The following BANP variants were observed in gnomAD, a reference collection of about 807,000 sequenced individuals.
BANP encodes protein BANP.
A neutral mutation model predicts 68.1 loss-of-function variants in BANP; 11 were observed. That is an observed-to-expected ratio of 0.16 (90% CI 0.10 to 0.27). The LOEUF (loss-of-function observed/expected upper bound fraction) is 0.27. Ranked by LOEUF, BANP falls within the 10% of genes least tolerant of loss-of-function variation. BANP has a pLI of 1.00. For synonymous variants in BANP, 329 were observed against 303.2 expected, an observed-to-expected ratio of 1.09 and a Z score of -0.88; for missense variants, 504 against 722.7, an observed-to-expected ratio of 0.70 and a Z score of 3.47.
chr16:88,041,936 G>GGAGACGCAGTAGGAGGGTGA (rs944551197), intron 11 of BANP, among the ~76,000 whole-genome samples: 9 of 152,240 alleles, frequency 5.9e-5, no homozygotes, highest in South Asian at 2.1e-4. Flanking sequence ...TAGGAGGGTG[G>GGAGACGCAGTAGGAGGGTGA]GAGACGCAGT....
intron 11 of BANP, among the ~76,000 whole-genome samples, chr16:88,038,475 C>T (rs1229799071): frequency 1.3e-5 from 2 of 151,132 alleles, no homozygotes; most frequent in Non-Finnish European, 3.0e-5. Flanking sequence ...CCCACCCCCG[C>T]CACCCCACCC....
At chr16:88,019,494 A>G (rs868817504) in intron 7 of BANP, among the ~76,000 whole-genome samples, 1 of 143,858 alleles carries the variant, frequency 7.0e-6, no homozygotes, top group African/African-American at 2.5e-5. Context: ...ATCTCGAAAC[A>G]GGGCGAGCGA....
rs553751992 is a variant in BANP, at chr16:88,018,705, G to C, written c.895+38G>C. The C allele has an allele frequency of 3.2e-6, 5 of 1,539,046 alleles. No homozygotes were observed. The Admixed American group carries it at 9.8e-5, about 30-fold the overall frequency. The stretch of plus-strand genomic sequence containing the variant: ...CCGCCTTGGGGGACTGGGGTGTGCG[G>C]GGAGCTGGGTCAGGACCCACATTTC... On this transcript the variant is annotated intron_variant, in intron 7 of 13. Coordinates refer to ENST00000682872, the MANE Select transcript of BANP (RefSeq NM_001386991.1). The surrounding 1 kb of genome is among the most constrained non-coding windows in gnomAD (Gnocchi z 7.7).
chr16:88,050,019 T>C (rs2082886663), intron 11 of BANP, among the ~76,000 whole-genome samples: 1 of 152,218 alleles, frequency 6.6e-6, no homozygotes, highest in African/African-American at 2.4e-5. Flanking sequence ...AGCTGGTGTG[T>C]GGGCGTGGCC....
At chr16:87,961,414 C>A (rs7204213) in intron 1 of BANP, among the ~76,000 whole-genome samples, 1 of 142,380 alleles carries the variant, frequency 7.0e-6, no homozygotes, top group African/African-American at 2.5e-5. Context: ...TCTGCACCCC[C>A]CCGGGCCTCC....
At chr16:88,063,084 C>A (rs6540161) in intron 11 of BANP, among the ~76,000 whole-genome samples, 150,923 of 152,364 alleles carry the variant, frequency 0.99, 74,759 homozygotes, top group East Asian at 1. Context: ...GAGGCTGCGC[C>A]GTGCATGGAG....
intron 1 of BANP, among the ~76,000 whole-genome samples, chr16:87,968,355 G>A (rs1489952660): frequency 6.6e-6 from 1 of 151,954 alleles, no homozygotes; most frequent in African/African-American, 2.4e-5. Flanking sequence ...ATGGTGGTGT[G>A]CACCTGTAGT....
intron 11 of BANP, among the ~76,000 whole-genome samples, chr16:88,040,894 A>G (rs188021489): frequency 6.6e-6 from 1 of 152,372 alleles, no homozygotes; most frequent in East Asian, 1.9e-4. Flanking sequence ...GGATTGGCTT[A>G]GTATTCCCTT....
chr16:88,058,999 C>T (rs1000762394), intron 11 of BANP, among the ~76,000 whole-genome samples: 29 of 151,960 alleles, frequency 1.9e-4, no homozygotes, highest in African/African-American at 6.8e-4. Context: ...CAGTGGTGTC[C>T]CTCACGCCCA....
Position 88,076,575 on chromosome 16 carries a change from T to G in BANP, c.1522-15T>G, listed in dbSNP as rs996113488. Reference sequence around the variant, plus strand: ...GGTATTTTTCTAGAAAGTCCCTCCTTTCTCCCTTTTGCAGACGGCCGAAGC... The same window carrying G: ...GGTATTTTTCTAGAAAGTCCCTCCTGTCTCCCTTTTGCAGACGGCCGAAGC... On this transcript the variant is annotated splice_polypyrimidine_tract_variant and intron_variant, in intron 13 of 13. Coordinates refer to ENST00000682872, the MANE Select transcript of BANP (RefSeq NM_001386991.1). 6.2e-7 allele frequency: 1 copy of G among 1,611,908 alleles called. No homozygotes were observed. Among genetic ancestry groups the G allele is most frequent in the African/African-American group, 1.3e-5 (1 of 75,006 alleles).
At chr16:87,985,059 G>A (rs2064061217) in intron 4 of BANP, among the ~76,000 whole-genome samples, 1 of 152,204 alleles carries the variant, frequency 6.6e-6, no homozygotes, top group East Asian at 1.9e-4. Context: ...ACATGTGGAC[G>A]CCGAGGAATG....
Position 88,076,690 on chromosome 16 carries a change from G to A in BANP, c.*29G>A, listed in dbSNP as rs771515196. 8 of 1,586,532 alleles carry A rather than the reference G, an allele frequency of 5.0e-6. No homozygotes were observed. The Admixed American group carries it at 5.1e-5, about 10-fold the overall frequency. ...GTGCCCATGGCACCAGGAGCCCCTC[G>A]CCGGCTCCGCCTACGGCCCGGCCCC... On this transcript the variant is annotated 3_prime_UTR_variant, in exon 14 of 14. Transcript: ENST00000682872.
chr16:88,022,522 G>A (rs1419228086), intron 7 of BANP, among the ~76,000 whole-genome samples: 1 of 152,228 alleles, frequency 6.6e-6, no homozygotes, highest in African/African-American at 2.4e-5. Flanking sequence ...GTACCTAGTG[G>A]GAAGCAGCGG....
intron 10 of BANP, 33 bp downstream of exon 10, chr16:88,035,427 C>T (rs1432506325): frequency 6.4e-7 from 1 of 1,563,638 alleles, no homozygotes; most frequent in Non-Finnish European, 8.7e-7. Context: ...ACTGTCCCTG[C>T]AGGCACCGTG....
chr16:87,986,201 G>A (rs536982673), intron 4 of BANP, among the ~76,000 whole-genome samples: 4 of 152,320 alleles, frequency 2.6e-5, no homozygotes, highest in African/African-American at 9.6e-5. Context: ...TTAAACACAA[G>A]GATGAACGAA....
intron 1 of BANP, among the ~76,000 whole-genome samples, chr16:87,954,295 A>G (rs538546085): frequency 6.6e-6 from 1 of 152,208 alleles, no homozygotes; most frequent in South Asian, 2.1e-4. Flanking sequence ...GCTTATTGTT[A>G]CACAAGTGCC....
At chr16:88,051,615 G>C (rs1049091065) in intron 11 of BANP, among the ~76,000 whole-genome samples, 2 of 152,214 alleles carry the variant, frequency 1.3e-5, no homozygotes, top group South Asian at 2.1e-4. Context: ...CCCTGCCACA[G>C]TTGCAGGTTG....
chr16:88,065,303 C>G lies in BANP; in HGVS notation c.1348C>G (p.Pro450Ala), dbSNP rs1251937791. The change falls in exon 12 of 14, where the codon CCA (proline) becomes GCA (alanine). Residue 450 changes from proline (P) to alanine (A), a missense_variant. Around this residue, in one of 3 missense-constraint regions of BANP, gnomAD observed 223 missense variants for 246.2 expected, o/e 0.91. Transcript: ENST00000682872. ...CACCCGCATCCCCTGCCTCCTGGCC[C>G]CATCCGTCTTCAAAGCCAGCAGTGG... ...EATRIPCLLA[P>A]SVFKASSGQV... 3.9e-6 allele frequency: 3 copies of G among 769,608 alleles called. No individual in the cohort carries two copies. Among genetic ancestry groups the G allele is most frequent in the Non-Finnish European group, 7.2e-6 (3 of 417,788 alleles). The allele number at this position is 769,608 out of a possible 1,614,324, so 47.7% of individuals were successfully genotyped here.
At chr16:87,962,774 C>G (rs764909786) in intron 1 of BANP, among the ~76,000 whole-genome samples, 4 of 152,182 alleles carry the variant, frequency 2.6e-5, no homozygotes, top group Non-Finnish European at 5.9e-5. Context: ...GATTTCCCGC[C>G]TATCTAGCAT....
Sources: allele counts gnomAD v4.1 joint callset (sites outside exome capture counted in the v4.1 genomes callset), GRCh38; gene constraint gnomAD v4.1.1; regional missense constraint gnomAD v4.1.1; non-coding constraint Gnocchi (gnomAD v3.1); transcripts MANE v1.5; gene names NCBI Gene and HGNC (gene_info 2026-07-23, HGNC 2026-07-21).